Variants in GRID2 observed in about 807,000 individuals in gnomAD.
GRID2 encodes the protein glutamate receptor ionotropic, delta-2.
GRID2 carries 33 observed loss-of-function variants against 114.8 expected under a neutral mutation model. The observed-to-expected ratio is 0.29, with a 90% confidence interval of 0.22 to 0.38. The LOEUF is 0.38. GRID2 is among the 10% of genes least tolerant of loss of function. The pLI is 1.00. For synonymous variants in GRID2, 505 were observed against 449.9 expected (o/e 1.12, Z -1.55); for missense variants, 1,184 against 1,257.7 (o/e 0.94, Z 0.89).
At chr4:92,505,515 T>C (rs1723917162) in intron 1 of GRID2, among the ~76,000 whole-genome samples, 1 of 152,048 alleles carries the variant, frequency 6.6e-6, no homozygotes, top group African/African-American at 2.4e-5. Flanking sequence ...GCACAGTCAA[T>C]GGTCATGATG....
chr4:92,611,282 G>A (rs1227901343), intron 2 of GRID2, among the ~76,000 whole-genome samples: 1 of 151,410 alleles, frequency 6.6e-6, no homozygotes, highest in African/African-American at 2.4e-5. Context: ...GTGCCAGCCA[G>A]GTTGAAGTCT....
At chr4:93,209,763 GTTAT>G (rs1214553836) in intron 5 of GRID2, among the ~76,000 whole-genome samples, 2 of 152,106 alleles carry the variant, frequency 1.3e-5, no homozygotes, top group African/African-American at 4.8e-5. Context: ...GCCAGCATCT[GTTAT>G]TTTTTGACTT....
At chr4:92,754,867 T>C (rs180980415) in intron 2 of GRID2, among the ~76,000 whole-genome samples, 2 of 152,354 alleles carry the variant, frequency 1.3e-5, no homozygotes, top group East Asian at 3.9e-4. Context: ...TACTGCTATG[T>C]ATATTTTATA....
intron 14 of GRID2, among the ~76,000 whole-genome samples, chr4:93,693,799 A>C (rs1726776123): frequency 6.6e-6 from 1 of 152,184 alleles, no homozygotes; most frequent in African/African-American, 2.4e-5. Flanking sequence ...TTTGGGACCA[A>C]AAAATCTGAA....
chr4:92,997,490 AT>A (rs1755272449), intron 2 of GRID2, among the ~76,000 whole-genome samples: 1 of 152,120 alleles, frequency 6.6e-6, no homozygotes, highest in Admixed American at 6.6e-5. Context: ...GGAGACACAC[AT>A]TATTTTGTTT....
rs1323740970 is a variant in GRID2, at chr4:93,568,585, A to G, written c.2193+53174A>G. Among the ~76,000 whole-genome samples the G allele has an allele frequency of 2.6e-5, 4 of 152,316 alleles. No homozygotes were observed. In the East Asian group the frequency reaches 7.7e-4, roughly 29 times the overall value. Reference sequence around the variant, plus strand: ...ATAATAATGGATAGAAAACAAAACAAATTTCATAATAGATAGATGCAGTAA... The same window carrying G: ...ATAATAATGGATAGAAAACAAAACAGATTTCATAATAGATAGATGCAGTAA... On this transcript the variant is annotated intron_variant, in intron 13 of 15. Transcript: ENST00000282020.
At chr4:92,837,662 A>G (rs973388598) in intron 2 of GRID2, among the ~76,000 whole-genome samples, 6 of 152,056 alleles carry the variant, frequency 3.9e-5, no homozygotes, top group African/African-American at 1.4e-4. Flanking sequence ...TTTTATAATC[A>G]GAAGTTAATT....
intron 2 of GRID2, among the ~76,000 whole-genome samples, chr4:92,972,677 T>G (rs1190034522): frequency 6.6e-6 from 1 of 151,754 alleles, no homozygotes; most frequent in African/African-American, 2.4e-5. Context: ...GTCATGGGGG[T>G]TTGTTGTACA....
At chr4:93,229,954 A>G (rs1175169644) in intron 7 of GRID2, among the ~76,000 whole-genome samples, 3 of 152,010 alleles carry the variant, frequency 2.0e-5, no homozygotes, top group Non-Finnish European at 2.9e-5. Context: ...GCCCTGTGCC[A>G]TTGTTATTTA....
chr4:93,391,139 A>G (rs575405009), intron 8 of GRID2, among the ~76,000 whole-genome samples: 28 of 152,188 alleles, frequency 1.8e-4, no homozygotes, highest in Non-Finnish European at 3.8e-4. Context: ...CCTCTAGGGA[A>G]CACATTTTAC....
chr4:93,398,133 G>GTGTGTGTGTATGTGTATATATA lies in GRID2; in HGVS notation c.1347+2426_1347+2427insGTGTGTGTATGTGTATATATAT. Among the ~76,000 whole-genome samples the GTGTGTGTGTATGTGTATATATA allele has an allele frequency of 2.5e-3, 311 of 122,354 alleles. 17 individuals carry two copies. The highest frequency in any genetic ancestry group is 0.011 in the African/African-American group (288 of 25,920). The allele number at this position is 122,354 out of a possible 152,430, so 80.3% of individuals were successfully genotyped here. On this transcript the variant is annotated intron_variant, in intron 9 of 15. Transcript: ENST00000282020. ...GAAATACATACATGTATGTGTGTGTGTATATATATATATATATATCTTATC... is the reference window on the plus strand; with the variant it reads ...GAAATACATACATGTATGTGTGTGTGTGTGTGTGTATGTGTATATATATATATATATATATATATATCTTATC...
At chr4:92,602,718 G>A (rs967459872) in intron 2 of GRID2, among the ~76,000 whole-genome samples, 11 of 151,964 alleles carry the variant, frequency 7.2e-5, no homozygotes, top group Admixed American at 5.2e-4. Flanking sequence ...ATCAGGCAAG[G>A]GAAAGAAATA....
At chr4:92,922,078 T>A (rs1749397593) in intron 2 of GRID2, among the ~76,000 whole-genome samples, 1 of 152,182 alleles carries the variant, frequency 6.6e-6, no homozygotes, top group African/African-American at 2.4e-5. Flanking sequence ...TGCTGCTGCC[T>A]TGCAGTTTGA....
intron 1 of GRID2, among the ~76,000 whole-genome samples, chr4:92,317,386 G>A (rs1726049308): frequency 6.6e-6 from 1 of 152,100 alleles, no homozygotes; most frequent in Admixed American, 6.5e-5. Context: ...TAATTATATA[G>A]GTGTAATTGA....
chr4:92,468,527 CTTAA>C lies in GRID2; in HGVS notation c.89-121599_89-121596del, dbSNP rs550989189. Among the ~76,000 whole-genome samples the C allele has an allele frequency of 5.3e-5, 8 of 152,028 alleles. No individual in the cohort carries two copies. In the South Asian group the frequency reaches 8.3e-4, roughly 16 times the overall value. ...GAAATATTTATTTATTTTTAAAAAA[CTTAA>C]TTAAACACTTATTTAAACAAAGTTT... is the stretch of plus-strand genomic sequence containing the variant. On this transcript the variant is annotated intron_variant, in intron 1 of 15. Transcript: ENST00000282020.
chr4:92,630,316 T>C (rs1730741023), intron 2 of GRID2, among the ~76,000 whole-genome samples: 1 of 152,148 alleles, frequency 6.6e-6, no homozygotes, highest in Admixed American at 6.5e-5. Flanking sequence ...GTGTTGCACA[T>C]ATAATGAGTT....
chr4:92,558,178 A>G (rs1726948798), intron 1 of GRID2, among the ~76,000 whole-genome samples: 1 of 152,280 alleles, frequency 6.6e-6, no homozygotes, highest in Non-Finnish European at 1.5e-5. Flanking sequence ...TTACAATGCC[A>G]AGATATATAG....
chr4:92,565,495 C>G (rs1297234965), intron 1 of GRID2, among the ~76,000 whole-genome samples: 2 of 151,952 alleles, frequency 1.3e-5, no homozygotes, highest in Non-Finnish European at 2.9e-5. Context: ...TGCTGGTTTT[C>G]CCCTTAACAC....
rs563113255 is a variant in GRID2, at chr4:92,643,967, T to A, written c.244+53681T>A. 3.3e-5 allele frequency among the ~76,000 whole-genome samples: 5 copies of A among 151,896 alleles called. No individual in the cohort carries two copies. The East Asian group carries it at 9.7e-4, about 30-fold the overall frequency. On this transcript the variant is annotated intron_variant, in intron 2 of 15. Transcript: ENST00000282020. ...TATTAGTAAATTACTATACACACAT[T>A]TATTTAACTCATTGTCTTATGAATG... is the stretch of plus-strand genomic sequence containing the variant.
Sources: allele counts gnomAD v4.1 joint callset (sites outside exome capture counted in the v4.1 genomes callset), GRCh38; gene constraint gnomAD v4.1.1; transcripts MANE v1.5; gene names NCBI Gene and HGNC (gene_info 2026-07-23, HGNC 2026-07-21).